KREMEN1: variants seen among roughly 807,000 people sequenced by gnomAD.
KREMEN1 encodes the protein kringle containing transmembrane protein 1, also known as kremen protein 1.
A neutral mutation model predicts 46.5 loss-of-function variants in KREMEN1; 30 were observed. That is an observed-to-expected ratio of 0.65 (90% CI 0.48 to 0.88). KREMEN1 has a LOEUF of 0.88. Ranked by LOEUF, KREMEN1 falls within the 40% of genes least tolerant of loss-of-function variation. The pLI, the probability that KREMEN1 is intolerant of heterozygous loss-of-function variation, is 0.00. For synonymous variants in KREMEN1, 214 were observed against 230.6 expected (o/e 0.93, Z 0.65); for missense variants, 533 against 596.9 (o/e 0.89, Z 1.11).
downstream of KREMEN1, among the ~76,000 whole-genome samples, chr22:29,150,513 A>G (rs1228476286): frequency 6.6e-6 from 1 of 152,190 alleles, no homozygotes; most frequent in East Asian, 1.9e-4. Context: ...GATCCCATTT[A>G]TTTCCGTCTT....
Position 29,137,488 on chromosome 22 carries a change from C to G in KREMEN1, c.778C>G (p.Leu260Val). The G allele has an allele frequency of 6.2e-7, 1 of 1,609,532 alleles. No individual in the cohort carries two copies. Among genetic ancestry groups the G allele is most frequent in the South Asian group, 1.1e-5 (1 of 90,972 alleles). ...GASHIHFSFP[L>V]FDIRDSADMV... ...CTCCCACATCCACTTCAGCTTCCCCCTATTTGACATCAGGGACTCGGCGGA... is the reference window on the plus strand; with the variant it reads ...CTCCCACATCCACTTCAGCTTCCCCGTATTTGACATCAGGGACTCGGCGGA... Residue 260 changes from leucine to valine, a missense_variant, in exon 6 of 9, where the codon CTA becomes GTA. Transcript: ENST00000400335.
intron 9 of KREMEN1, among the ~76,000 whole-genome samples, chr22:29,155,327 G>A (rs2038952013): frequency 6.6e-6 from 1 of 152,042 alleles, no homozygotes; most frequent in Non-Finnish European, 1.5e-5. Context: ...TTGAGCCCAG[G>A]AGTTCGAGAC....
chr22:29,150,373 G>A (rs77604554), downstream of KREMEN1, among the ~76,000 whole-genome samples: 4,477 of 152,304 alleles, frequency 0.029, 89 homozygotes, highest in Middle Eastern at 0.082. Context: ...GTGACTGAGC[G>A]GGGAAAAGGG....
At chr22:29,097,813 T>C (rs888127725) in intron 2 of KREMEN1, among the ~76,000 whole-genome samples, 7 of 152,176 alleles carry the variant, frequency 4.6e-5, no homozygotes, top group African/African-American at 1.4e-4. Context: ...TTGGTGTACA[T>C]TCTTTCCTAA....
intron 3 of KREMEN1, among the ~76,000 whole-genome samples, chr22:29,108,852 C>T (rs1214972272): frequency 6.6e-6 from 1 of 152,078 alleles, no homozygotes; most frequent in East Asian, 1.9e-4. Flanking sequence ...TGCAGTGGCA[C>T]GATCATGGAT....
intron 1 of KREMEN1, among the ~76,000 whole-genome samples, chr22:29,088,923 C>T (rs1240988974): frequency 1.3e-5 from 2 of 152,134 alleles, no homozygotes; most frequent in Non-Finnish European, 2.9e-5. Flanking sequence ...TTTCCATACT[C>T]TACCACATTG....
Position 29,146,161 on chromosome 22 carries a change from A to C in KREMEN1, c.*4049A>C. 4 of 984,720 alleles carry C rather than the reference A, an allele frequency of 4.1e-6. No homozygotes were observed. Among genetic ancestry groups the C allele is most frequent in the Non-Finnish European group, 4.8e-6 (4 of 829,918 alleles). 61.0% of individuals were successfully genotyped at this position (984,720 alleles called of 1,614,324 possible). On this transcript the variant is annotated 3_prime_UTR_variant, in exon 9 of 9. Transcript: ENST00000400335. ...TTTCAGATCTCCCGTGTGGTGTTTG[A>C]TGTCGGCTTTTGTTCCTACCTTGGG...
intron 9 of KREMEN1, among the ~76,000 whole-genome samples, chr22:29,162,915 T>A (rs1366849900): frequency 1.3e-5 from 2 of 151,920 alleles, no homozygotes; most frequent in Non-Finnish European, 2.9e-5. Context: ...CATTGTGGAA[T>A]ACTACATAAT....
At position 29,142,314 on chromosome 22, in the gene KREMEN1, G is replaced by A. The variant is rs1201289638; in HGVS notation, c.*202G>A. 1.1e-5 allele frequency: 14 copies of A among 1,304,878 alleles called. No individual in the cohort carries two copies. The highest frequency in any genetic ancestry group is 3.1e-5 in the East Asian group (1 of 32,528). The allele number at this position is 1,304,878 out of a possible 1,614,324, so 80.8% of individuals were successfully genotyped here. ...GAGCCTGGATTCCTCCTGCTTCATC[G>A]ATTGCACTTAGGAGAGAGACTCAAA... is the stretch of plus-strand genomic sequence containing the variant. On this transcript the variant is annotated 3_prime_UTR_variant, in exon 9 of 9. Coordinates refer to ENST00000400335, the MANE Select transcript of KREMEN1 (RefSeq NM_001039570.3).
At chr22:29,132,185 A>G (rs541253702) in intron 5 of KREMEN1, among the ~76,000 whole-genome samples, 1 of 152,176 alleles carries the variant, frequency 6.6e-6, no homozygotes, top group African/African-American at 2.4e-5. Flanking sequence ...ATAATGCTTT[A>G]TGATTCACCT....
intron 1 of KREMEN1, among the ~76,000 whole-genome samples, chr22:29,083,440 T>C (rs926260269): frequency 3.9e-5 from 6 of 152,216 alleles, no homozygotes; most frequent in Middle Eastern, 3.2e-3. Context: ...GACATTTTTT[T>C]CTCAAAAAGT....
intron 1 of KREMEN1, among the ~76,000 whole-genome samples, chr22:29,092,965 A>T (rs1032225581): frequency 6.6e-6 from 1 of 152,092 alleles, no homozygotes; most frequent in African/African-American, 2.4e-5. Flanking sequence ...ACAGAGTGAG[A>T]CTCCATTCAA....
intron 1 of KREMEN1, among the ~76,000 whole-genome samples, chr22:29,081,075 G>A (rs1458375214): frequency 2.7e-5 from 4 of 150,736 alleles, no homozygotes; most frequent in African/African-American, 9.8e-5. Flanking sequence ...TGCCATGTTG[G>A]TGTGCTGCAC....
At chr22:29,105,507 A>ACACT (rs1182424881) in intron 3 of KREMEN1, among the ~76,000 whole-genome samples, 12 of 151,692 alleles carry the variant, frequency 7.9e-5, no homozygotes, top group African/African-American at 2.7e-4. Flanking sequence ...ACACACACAC[A>ACACT]CACACTCTGA....
At chr22:29,135,929 G>T (rs1028221494) in intron 5 of KREMEN1, among the ~76,000 whole-genome samples, 1 of 152,000 alleles carries the variant, frequency 6.6e-6, no homozygotes, top group East Asian at 1.9e-4. Context: ...TTCACTTGTT[G>T]TTGTTGTTTT....
intron 3 of KREMEN1, among the ~76,000 whole-genome samples, chr22:29,119,191 G>A (rs5762992): frequency 0.36 from 55,303 of 151,874 alleles, 11,526 homozygotes; most frequent in East Asian, 0.64. Flanking sequence ...CAATTCAATA[G>A]TTAAAAAAAT....
Position 29,144,552 on chromosome 22 carries a change from A to T in KREMEN1, c.*2440A>T, listed in dbSNP as rs2038822291. 14 of 985,454 alleles carry T rather than the reference A, an allele frequency of 1.4e-5. No individual in the cohort carries two copies. The highest frequency in any genetic ancestry group is 1.7e-5 in the Non-Finnish European group (14 of 830,010). 61.0% of individuals were successfully genotyped at this position (985,454 alleles called of 1,614,324 possible). A position where few individuals can be genotyped will look rare whatever the true frequency, so the allele number is the denominator to read the frequency against. ...GTCACACAGGAGGACCGCTGGAAAC[A>T]TACCAACACGTGCAGTCTCCCCTCC... On this transcript the variant is annotated 3_prime_UTR_variant, in exon 9 of 9. Transcript: ENST00000400335.
chr22:29,090,915 T>C (rs1325031070), intron 1 of KREMEN1, among the ~76,000 whole-genome samples: 1 of 152,214 alleles, frequency 6.6e-6, no homozygotes, highest in Non-Finnish European at 1.5e-5. Flanking sequence ...GCCTGCACTT[T>C]CCCATTTCCA....
chr22:29,134,798 G>A (rs1454086472), intron 5 of KREMEN1, among the ~76,000 whole-genome samples: 3 of 152,124 alleles, frequency 2.0e-5, no homozygotes, highest in Non-Finnish European at 4.4e-5. Flanking sequence ...TGCTTAGTGT[G>A]GAGCCTAGAG....
Sources: gnomAD v4.1 joint callset for allele counts (sites outside exome capture counted in the v4.1 genomes callset) on GRCh38, gnomAD v4.1.1 for gene constraint, MANE v1.5 for transcripts, NCBI Gene and HGNC (gene_info 2026-07-23, HGNC 2026-07-21) for gene names.